ADK: variants seen among roughly 807,000 people sequenced by gnomAD.
ADK encodes N6,N6-dimethyladenosine kinase.
A neutral mutation model predicts 44.7 loss-of-function variants in ADK; 24 were observed. The observed-to-expected ratio is 0.54, with a 90% CI of 0.39 to 0.76. ADK has a LOEUF of 0.76. ADK is among the 30% of genes least tolerant of loss of function. ADK has a pLI of 0.00. For missense variants in ADK, 321 were observed against 425.1 expected (o/e 0.76, Z 2.15); for synonymous variants, 128 against 142.6 (o/e 0.90, Z 0.73).
At chr10:74,231,962 T>G (rs1421633160) in intron 3 of ADK, among the ~76,000 whole-genome samples, 4 of 149,928 alleles carry the variant, frequency 2.7e-5, no homozygotes, top group Non-Finnish European at 5.9e-5. Flanking sequence ...TTTTTGTTTG[T>G]CTTTTTTTTT....
intron 6 of ADK, among the ~76,000 whole-genome samples, chr10:74,478,118 A>G (rs1013998897): frequency 2.6e-5 from 4 of 152,166 alleles, no homozygotes; most frequent in Admixed American, 6.5e-5. Flanking sequence ...TTTGTTGTCT[A>G]TGCTGATCTC....
At chr10:74,262,652 A>T (rs1441062198) in intron 3 of ADK, among the ~76,000 whole-genome samples, 1 of 73,420 alleles carries the variant, frequency 1.4e-5, no homozygotes, top group Non-Finnish European at 3.7e-5. Flanking sequence ...AGGTAGCTTC[A>T]TTCATGTATT....
chr10:74,437,396 A>G (rs1845214173), intron 6 of ADK, among the ~76,000 whole-genome samples: 2 of 152,180 alleles, frequency 1.3e-5, no homozygotes, highest in Non-Finnish European at 2.9e-5. Context: ...AGATTATTAT[A>G]TGCAAATAGA....
chr10:74,229,341 G>C (rs1303512354), intron 3 of ADK, among the ~76,000 whole-genome samples: 2 of 150,980 alleles, frequency 1.3e-5, no homozygotes, highest in African/African-American at 4.9e-5. Flanking sequence ...TATTTAAATG[G>C]AATGTGTAGG....
intron 10 of ADK, among the ~76,000 whole-genome samples, chr10:74,693,060 G>A (rs1242267999): frequency 1.3e-5 from 2 of 152,134 alleles, no homozygotes; most frequent in African/African-American, 4.8e-5. Context: ...AAACTGTTTT[G>A]TGTGATACTT....
intron 10 of ADK, among the ~76,000 whole-genome samples, 166 bp from the exon 11 acceptor site, chr10:74,708,153 GAA>G (rs35480343): frequency 8.3e-5 from 11 of 132,680 alleles, no homozygotes; most frequent in Non-Finnish European, 4.7e-5. Context: ...CCATCTCGGG[GAA>G]AAAAAAAAAA....
At chr10:74,378,994 GGAGCA>G (rs2131997898) in intron 4 of ADK, among the ~76,000 whole-genome samples, 1 of 152,210 alleles carries the variant, frequency 6.6e-6, no homozygotes, top group Non-Finnish European at 1.5e-5. Context: ...CAGAGTGGTT[GGAGCA>G]GAGTAATGGA....
chr10:74,188,316 A>C (rs1248279476), intron 1 of ADK, among the ~76,000 whole-genome samples: 1 of 136,344 alleles, frequency 7.3e-6, no homozygotes, highest in Non-Finnish European at 1.5e-5. Flanking sequence ...TGTTTTGTTG[A>C]ATTTCTATTT....
At chr10:74,668,775 G>A (rs1245374260) in intron 9 of ADK, among the ~76,000 whole-genome samples, 1 of 152,050 alleles carries the variant, frequency 6.6e-6, no homozygotes, top group Non-Finnish European at 1.5e-5. Context: ...GCTCATGCCT[G>A]TAATCCTAGC....
At chr10:74,494,365 G>T (rs1488331790) in intron 6 of ADK, among the ~76,000 whole-genome samples, 5 of 152,062 alleles carry the variant, frequency 3.3e-5, no homozygotes, top group Non-Finnish European at 5.9e-5. Flanking sequence ...CTCCAGTAGA[G>T]TTTTTGATAA....
At chr10:74,606,736 A>G (rs1852336386) in intron 9 of ADK, among the ~76,000 whole-genome samples, 1 of 152,204 alleles carries the variant, frequency 6.6e-6, no homozygotes, top group Admixed American at 6.5e-5. Flanking sequence ...AGAGTTCTGT[A>G]GATGTCTATT....
intron 7 of ADK, among the ~76,000 whole-genome samples, chr10:74,563,640 A>G (rs1184076222): frequency 6.6e-6 from 1 of 152,244 alleles, no homozygotes; most frequent in Non-Finnish European, 1.5e-5. Context: ...CAGCATTTTT[A>G]AATGAAATAG....
At chr10:74,600,962 C>A (rs1207650533) in intron 9 of ADK, among the ~76,000 whole-genome samples, 2 of 151,562 alleles carry the variant, frequency 1.3e-5, no homozygotes, top group Non-Finnish European at 2.9e-5. Flanking sequence ...ATCTAGTAAG[C>A]AAACATGTTA....
intron 6 of ADK, among the ~76,000 whole-genome samples, chr10:74,427,487 C>A (rs1011920870): frequency 6.6e-6 from 1 of 152,080 alleles, no homozygotes; most frequent in African/African-American, 2.4e-5. Context: ...TGTGAGCCAC[C>A]GTGCCCGGCC....
chr10:74,573,042 C>T (rs866383259), intron 7 of ADK, among the ~76,000 whole-genome samples: 2 of 151,902 alleles, frequency 1.3e-5, no homozygotes, highest in African/African-American at 2.4e-5. Flanking sequence ...TCCGTTGCTG[C>T]TGAGGAGCTG....
intron 3 of ADK, among the ~76,000 whole-genome samples, chr10:74,287,515 A>T (rs1847219605): frequency 6.6e-6 from 1 of 152,064 alleles, no homozygotes; most frequent in South Asian, 2.1e-4. Context: ...GGATTTAAGG[A>T]AATCTACGTT....
At position 74,542,640 on chromosome 10, in the gene ADK, C is replaced by A. The variant is rs76319615; in HGVS notation, c.726+17214C>A. The stretch of plus-strand genomic sequence containing the variant: ...CCTCATTCCCCATTCTGTCTCTATT[C>A]CTACCCTGTTTCTTCCTACCTACCC... On this transcript the variant is annotated intron_variant, in intron 7 of 10. Transcript: ENST00000539909. Among the ~76,000 whole-genome samples the A allele has an allele frequency of 5.7e-3, 861 of 152,200 alleles. 6 individuals are homozygous for A. The highest frequency in any genetic ancestry group is 0.02 in the African/African-American group (815 of 41,536).
chr10:74,267,279 CA>C (rs1219505087), intron 3 of ADK, among the ~76,000 whole-genome samples: 6 of 152,024 alleles, frequency 3.9e-5, no homozygotes, highest in Non-Finnish European at 8.8e-5. Context: ...ATGGAAAATA[CA>C]GTATTCAAGG....
intron 3 of ADK, among the ~76,000 whole-genome samples, chr10:74,272,814 C>T (rs1023097634): frequency 6.6e-6 from 1 of 152,126 alleles, no homozygotes; most frequent in Non-Finnish European, 1.5e-5. Context: ...AAAGTTCAGT[C>T]TGTAGGGCTT....
Sources: gnomAD v4.1 joint callset for allele counts (sites outside exome capture counted in the v4.1 genomes callset) on GRCh38, gnomAD v4.1.1 for gene constraint, MANE v1.5 for transcripts, NCBI Gene and HGNC (gene_info 2026-07-23, HGNC 2026-07-21) for gene names.